F2RL1: variants seen among roughly 807,000 people sequenced by gnomAD.
F2RL1 encodes the protein proteinase-activated receptor 2.
Under a neutral mutation model 21.7 loss-of-function variants are expected in F2RL1, and 16 were observed. That is an observed-to-expected ratio of 0.74 (90% CI 0.50 to 1.12). F2RL1 has a LOEUF of 1.12. Ranked by LOEUF, F2RL1 falls within the 50% of genes most tolerant of loss-of-function variation. The pLI is 0.00. For missense variants in F2RL1, 432 were observed against 477.8 expected (o/e 0.90, Z 0.89); for synonymous variants, 181 against 186.7 (o/e 0.97, Z 0.25).
Position 76,832,923 on chromosome 5 carries a change from A to G in F2RL1, c.316A>G (p.Lys106Glu). ...GTGGGTCTTTCTTTTCCGAACTAAGAAGAAGCACCCTGCTGTGATTTACAT... is the reference window on the plus strand; with the variant it reads ...GTGGGTCTTTCTTTTCCGAACTAAGGAGAAGCACCCTGCTGTGATTTACAT... ...ALWVFLFRTK[K>E]KHPAVIYMAN... The change falls in exon 2 of 2, where the codon AAG (lysine) becomes GAG (glutamate). Residue 106 changes from lysine to glutamate, a missense_variant. Transcript: ENST00000296677. 1.2e-6 allele frequency: 2 copies of G among 1,614,206 alleles called. No homozygotes were observed. Among genetic ancestry groups the G allele is most frequent in the Non-Finnish European group, 1.7e-6 (2 of 1,180,040 alleles).
At position 76,822,363 on chromosome 5, in the gene F2RL1, G is replaced by A. The variant is rs2243012; in HGVS notation, c.82+3099G>A. On this transcript the variant is annotated intron_variant, in intron 1 of 1. Transcript: ENST00000296677. ...CTCTGGAGTAGCTGGGACTACAGGC[G>A]CACACCACCACATCCAACTAATTTT... is the stretch of plus-strand genomic sequence containing the variant. Among the ~76,000 whole-genome samples the A allele has an allele frequency of 4.2e-3, 643 of 152,106 alleles. 8 individuals carry two copies. The highest frequency in any genetic ancestry group is 3.1e-3 in the Non-Finnish European group (214 of 68,008).
At chr5:76,820,814 A>G (rs2150604075) in intron 1 of F2RL1, among the ~76,000 whole-genome samples, 1 of 152,280 alleles carries the variant, frequency 6.6e-6, no homozygotes, top group Admixed American at 6.5e-5. Flanking sequence ...GTTACTTGTT[A>G]ACTATAGCCA....
Position 76,827,600 on chromosome 5 carries a change from CTTTTTT to C in F2RL1, c.83-5073_83-5068del, listed in dbSNP as rs70982643. On this transcript the variant is annotated intron_variant, in intron 1 of 1. Transcript: ENST00000296677. ...GTGGAGCTACTGGGTCATATAGTAA[CTTTTTT>C]TTTTTTTTTTTTTTTTGAGACGGAG... Among the ~76,000 whole-genome samples the C allele has an allele frequency of 5.6e-3, 590 of 104,986 alleles. 5 individuals carry two copies. The highest frequency in any genetic ancestry group is 0.021 in the African/African-American group (554 of 26,356). 68.9% of individuals were successfully genotyped at this position (104,986 alleles called of 152,430 possible).
At position 76,819,581 on chromosome 5, in the gene F2RL1, G is replaced by A. The variant is rs35465662; in HGVS notation, c.82+317G>A. 2.6e-4 allele frequency among the ~76,000 whole-genome samples: 40 copies of A among 152,280 alleles called. 2 individuals carry two copies. In the East Asian group the frequency reaches 7.7e-3, roughly 29 times the overall value. ...CAGCGTGGGTTCGGGGAAAGGGAGG[G>A]AAGGAAGGAGTAGCTGTGTCTAAAG... is the stretch of plus-strand genomic sequence containing the variant. On this transcript the variant is annotated intron_variant, in intron 1 of 1. Transcript: ENST00000296677.
chr5:76,831,636 C>T (rs1375223889), intron 1 of F2RL1, among the ~76,000 whole-genome samples: 26 of 149,902 alleles, frequency 1.7e-4, no homozygotes, highest in Admixed American at 1.7e-3. Context: ...GGGGTTCAAG[C>T]GATTCTTCTG....
chr5:76,832,976 C>G lies in F2RL1; in HGVS notation c.369C>G (p.Leu123=), dbSNP rs768730578. 43 of 1,614,116 alleles carry G rather than the reference C, an allele frequency of 2.7e-5. 1 individual carries two copies. The highest frequency in any genetic ancestry group is 3.3e-5 in the South Asian group (3 of 91,088). The change falls in exon 2 of 2, where the codon CTC becomes CTG. Residue 123 remains leucine (L), a synonymous_variant. Transcript: ENST00000296677. The part of the protein sequence containing the change: ...YMANLALADL[L]SVIWFPLKIA... ...CCAATCTGGCCTTGGCTGACCTCCTCTCTGTCATCTGGTTCCCCTTGAAGA... is the reference window on the plus strand; with the variant it reads ...CCAATCTGGCCTTGGCTGACCTCCTGTCTGTCATCTGGTTCCCCTTGAAGA...
chr5:76,826,984 G>T (rs959984790), intron 1 of F2RL1, among the ~76,000 whole-genome samples: 1 of 151,382 alleles, frequency 6.6e-6, no homozygotes, highest in Non-Finnish European at 1.5e-5. Flanking sequence ...CCTAGTAGTG[G>T]GACTACAAGT....
intron 1 of F2RL1, among the ~76,000 whole-genome samples, chr5:76,820,897 G>C (rs1468247824): frequency 6.6e-6 from 1 of 152,280 alleles, no homozygotes; most frequent in East Asian, 1.9e-4. Flanking sequence ...CTTTCCCAAA[G>C]GGTTAGTGAA....
At chr5:76,831,442 GA>G (rs1332844139) in intron 1 of F2RL1, among the ~76,000 whole-genome samples, 1 of 151,980 alleles carries the variant, frequency 6.6e-6, no homozygotes. Flanking sequence ...AGGCCATTAT[GA>G]AGTGAGAAAT....
chr5:76,819,974 G>A (rs1201690897), intron 1 of F2RL1, among the ~76,000 whole-genome samples: 1 of 152,308 alleles, frequency 6.6e-6, no homozygotes, highest in Admixed American at 6.5e-5. Flanking sequence ...GGCGCCACGA[G>A]GATTTACGAG....
intron 1 of F2RL1, among the ~76,000 whole-genome samples, chr5:76,832,347 G>T (rs1750363918): frequency 6.6e-6 from 1 of 152,068 alleles, no homozygotes; most frequent in African/African-American, 2.4e-5. Flanking sequence ...GCTCACACTT[G>T]TATCTCACCA....
chr5:76,830,015 A>G (rs886694519), intron 1 of F2RL1, among the ~76,000 whole-genome samples: 1 of 152,242 alleles, frequency 6.6e-6, no homozygotes, highest in Non-Finnish European at 1.5e-5. Flanking sequence ...GCAAATTGCC[A>G]TAAACTGATG....
chr5:76,825,759 GC>G (rs773650723), intron 1 of F2RL1, among the ~76,000 whole-genome samples: 4 of 152,122 alleles, frequency 2.6e-5, no homozygotes, highest in Non-Finnish European at 5.9e-5. Flanking sequence ...CCTTCGAGTA[GC>G]ATCTTGACAT....
chr5:76,821,061 C>G (rs1288592792), intron 1 of F2RL1, among the ~76,000 whole-genome samples: 2 of 152,182 alleles, frequency 1.3e-5, no homozygotes, highest in African/African-American at 4.8e-5. Flanking sequence ...GCGTGCCCCT[C>G]AGGTGGCTGC....
In F2RL1 at chr5:76,819,039, C is replaced by A. The variant is rs1471075702; in HGVS notation, c.-144C>A. 1.5e-6 allele frequency: 1 copy of A among 677,062 alleles called. No individual in the cohort carries two copies. The highest frequency in any genetic ancestry group is 1.8e-5 in the African/African-American group (1 of 54,172). 41.9% of individuals were successfully genotyped at this position (677,062 alleles called of 1,614,324 possible). A position where few individuals can be genotyped will look rare whatever the true frequency, so the allele number is the denominator to read the frequency against. ...CTCCTTCGGTTTCCCTGAAACCTAACCCGCCCTGGGGAGGCGCGCAGCAGA... is the reference window on the plus strand; with the variant it reads ...CTCCTTCGGTTTCCCTGAAACCTAAACCGCCCTGGGGAGGCGCGCAGCAGA... On this transcript the variant is annotated 5_prime_UTR_variant, in exon 1 of 2. Transcript: ENST00000296677.
At chr5:76,831,262 G>A (rs1351083106) in intron 1 of F2RL1, among the ~76,000 whole-genome samples, 1 of 152,126 alleles carries the variant, frequency 6.6e-6, no homozygotes, top group Non-Finnish European at 1.5e-5. Flanking sequence ...CATTCTCCAG[G>A]AAACCAGCAC....
At chr5:76,827,840 G>A (rs1283309018) in intron 1 of F2RL1, among the ~76,000 whole-genome samples, 1 of 151,824 alleles carries the variant, frequency 6.6e-6, no homozygotes, top group Admixed American at 6.6e-5. Context: ...CTCGTGATCT[G>A]CCTGCCTCAG....
chr5:76,833,151 G>A lies in F2RL1; in HGVS notation c.544G>A (p.Gly182Arg). 4 of 1,614,152 alleles carry A rather than the reference G, an allele frequency of 2.5e-6. No homozygotes were observed. The highest frequency in any genetic ancestry group is 2.5e-6 in the Non-Finnish European group (3 of 1,180,020). The change falls in exon 2 of 2, where the codon GGG becomes AGG. Residue 182 changes from glycine (G) to arginine (R), a missense_variant. Transcript: ENST00000296677. ...QRYWVIVNPM[G>R]HSRKKANIAI... ...GTATTGGGTCATCGTGAACCCCATG[G>A]GGCACTCCAGGAAGAAGGCAAACAT...
intron 1 of F2RL1, among the ~76,000 whole-genome samples, 157 bp from the exon 2 acceptor site, chr5:76,832,533 A>G (rs901601909): frequency 6.6e-5 from 10 of 152,182 alleles, no homozygotes; most frequent in African/African-American, 2.2e-4. Flanking sequence ...GCTGCGGTGC[A>G]TTATGATCGC....
Sources: allele counts gnomAD v4.1 joint callset (sites outside exome capture counted in the v4.1 genomes callset), GRCh38; gene constraint gnomAD v4.1.1; transcripts MANE v1.5; gene names NCBI Gene and HGNC (gene_info 2026-07-23, HGNC 2026-07-21).